STPG2: variants seen among roughly 807,000 people sequenced by gnomAD.
The protein encoded by STPG2 is sperm-tail PG-rich repeat-containing protein 2.
STPG2 carries 56 observed loss-of-function variants against 54.2 expected under a neutral mutation model. The ratio of observed to expected loss-of-function variants is 1.03; its 90% confidence interval spans 0.83 to 1.29. The LOEUF (loss-of-function observed/expected upper bound fraction) is 1.29. Among genes scored for constraint, STPG2 ranks in the 50% most tolerant of loss-of-function variants. The pLI is 0.00. For missense variants in STPG2, 596 were observed against 544.9 expected, an observed-to-expected ratio of 1.09 and a Z score of -0.93; for synonymous variants, 200 against 181.8, an observed-to-expected ratio of 1.10 and a Z score of -0.81.
chr4:97,812,973 T>G (rs1005098788), intron 9 of STPG2, among the ~76,000 whole-genome samples: 2 of 152,170 alleles, frequency 1.3e-5, no homozygotes, highest in African/African-American at 4.8e-5. Context: ...CAATACCAGT[T>G]GCTGAAGTCA....
chr4:98,023,738 C>T (rs909189602), intron 5 of STPG2, among the ~76,000 whole-genome samples: 7 of 152,268 alleles, frequency 4.6e-5, no homozygotes, highest in Admixed American at 3.3e-4. Context: ...CAATGGCGGG[C>T]ACCCCTCCCC....
At chr4:97,492,809 T>C (rs961097560) in intron 4 of STPG2, among the ~76,000 whole-genome samples, 16 of 151,016 alleles carry the variant, frequency 1.1e-4, no homozygotes, top group African/African-American at 3.9e-4. Flanking sequence ...GAAGTTCAAA[T>C]ATCTATACTA....
chr4:97,570,474 T>C (rs546568419), intron 10 of STPG2, among the ~76,000 whole-genome samples: 2 of 151,952 alleles, frequency 1.3e-5, no homozygotes, highest in South Asian at 4.2e-4. Flanking sequence ...TCAATTTGCC[T>C]AAAAGCAGGC....
chr4:97,798,461 A>C (rs973704967), intron 9 of STPG2, among the ~76,000 whole-genome samples: 60 of 152,148 alleles, frequency 3.9e-4, no homozygotes, highest in African/African-American at 1.4e-3. Flanking sequence ...ATTCAGGAGC[A>C]GGTTGTTCAG....
chr4:97,672,400 A>T (rs1032726070), intron 10 of STPG2, among the ~76,000 whole-genome samples: 6 of 151,672 alleles, frequency 4.0e-5, no homozygotes, highest in Admixed American at 1.3e-4. Context: ...CTGGTCTCGA[A>T]CTCCCAAACT....
intron 7 of STPG2, among the ~76,000 whole-genome samples, chr4:97,945,224 T>C (rs969724924): frequency 6.6e-6 from 1 of 151,996 alleles, no homozygotes; most frequent in African/African-American, 2.4e-5. Flanking sequence ...CCCTCCCCTT[T>C]CTAAGTCTCC....
chr4:98,039,951 C>A (rs949016643), intron 5 of STPG2, among the ~76,000 whole-genome samples: 2 of 151,826 alleles, frequency 1.3e-5, no homozygotes, highest in Middle Eastern at 3.4e-3. Flanking sequence ...TAGTGTATAA[C>A]TGTTCCCTTG....
intron 8 of STPG2, among the ~76,000 whole-genome samples, chr4:97,907,616 T>G (rs1405857286): frequency 6.6e-6 from 1 of 152,092 alleles, no homozygotes. Flanking sequence ...GACTTCAAAC[T>G]ATACTACAAG....
intron 10 of STPG2, among the ~76,000 whole-genome samples, chr4:97,583,813 A>C (rs578049001): frequency 6.6e-6 from 1 of 152,152 alleles, no homozygotes; most frequent in African/African-American, 2.4e-5. Flanking sequence ...GAATCAGTCC[A>C]ACAGGAAAAT....
chr4:97,967,555 ATTC>A, intron 7 of STPG2, among the ~76,000 whole-genome samples: 1 of 152,170 alleles, frequency 6.6e-6, no homozygotes, highest in Non-Finnish European at 1.5e-5. Context: ...CAGAATATAC[ATTC>A]TTCTCAGCAC....
intron 5 of STPG2, among the ~76,000 whole-genome samples, chr4:98,016,817 C>A (rs1385594449): frequency 2.0e-5 from 3 of 152,052 alleles, no homozygotes; most frequent in African/African-American, 7.2e-5. Context: ...ATGACTTTTT[C>A]CTGATTTTTC....
intron 9 of STPG2, among the ~76,000 whole-genome samples, chr4:97,738,556 C>G (rs1417643070): frequency 2.0e-5 from 3 of 151,958 alleles, no homozygotes; most frequent in African/African-American, 4.8e-5. Context: ...GGCAGGGGTT[C>G]CAATCCTAGT....
At chr4:97,451,313 G>A (rs1396401193) in intron 4 of STPG2, among the ~76,000 whole-genome samples, 2 of 151,838 alleles carry the variant, frequency 1.3e-5, no homozygotes, top group Non-Finnish European at 2.9e-5. Flanking sequence ...TAAGAGAAAT[G>A]GATATTAATT....
At chr4:97,603,426 T>C (rs1733515483) in intron 10 of STPG2, among the ~76,000 whole-genome samples, 1 of 151,544 alleles carries the variant, frequency 6.6e-6, no homozygotes, top group Non-Finnish European at 1.5e-5. Context: ...AAATTAAAAA[T>C]AGAATTACCA....
intron 8 of STPG2, among the ~76,000 whole-genome samples, chr4:97,917,625 C>T (rs551348125): frequency 6.6e-6 from 1 of 152,078 alleles, no homozygotes; most frequent in East Asian, 1.9e-4. Context: ...TAAACTTAAG[C>T]TTTTAAAAAT....
intron 9 of STPG2, among the ~76,000 whole-genome samples, chr4:97,773,921 G>A (rs189156744): frequency 3.8e-4 from 58 of 152,042 alleles, no homozygotes; most frequent in African/African-American, 1.3e-3. Context: ...AGGCTGAGGA[G>A]GGAGGATTTA....
At chr4:97,912,328 T>C (rs909747593) in intron 8 of STPG2, among the ~76,000 whole-genome samples, 22 of 152,138 alleles carry the variant, frequency 1.4e-4, no homozygotes, top group African/African-American at 5.1e-4. Flanking sequence ...GACCGCTGAA[T>C]TGAAAGAAGT....
chr4:97,986,272 G>C (rs1734830343), intron 5 of STPG2, among the ~76,000 whole-genome samples: 2 of 152,104 alleles, frequency 1.3e-5, no homozygotes, highest in Non-Finnish European at 2.9e-5. Flanking sequence ...ACATACCACA[G>C]GTGGATAAAT....
At chr4:97,486,603 T>C (rs1367522881) in intron 4 of STPG2, among the ~76,000 whole-genome samples, 8 of 151,630 alleles carry the variant, frequency 5.3e-5, no homozygotes, top group Admixed American at 6.6e-5. Flanking sequence ...TGGAAAACAG[T>C]GTGGAGATTC....
Sources: gnomAD v4.1 joint callset for allele counts (sites outside exome capture counted in the v4.1 genomes callset) on GRCh38, gnomAD v4.1.1 for gene constraint, MANE v1.5 for transcripts, NCBI Gene and HGNC (gene_info 2026-07-23, HGNC 2026-07-21) for gene names.